The following LDB2 variants were observed in gnomAD, a reference collection of about 807,000 sequenced individuals.
The protein encoded by LDB2 is LIM domain binding 2.
In LDB2, 12 loss-of-function variants were observed where a neutral mutation model predicts 44.3. The ratio of observed to expected loss-of-function variants is 0.27; its 90% CI spans 0.17 to 0.44. The LOEUF (loss-of-function observed/expected upper bound fraction) is 0.44, where lower values mean the gene tolerates loss of function less well. Among genes scored for constraint, LDB2 ranks in the 20% least tolerant of loss-of-function variants. The pLI, the probability that LDB2 is intolerant of heterozygous loss-of-function variation, is 1.00. For missense variants in LDB2, 344 were observed against 473.5 expected (o/e 0.73, Z 2.54); for synonymous variants, 164 against 174.8 (o/e 0.94, Z 0.49).
At chr4:16,883,795 G>A (rs114647549) in intron 1 of LDB2, among the ~76,000 whole-genome samples, 1,976 of 152,266 alleles carry the variant, frequency 0.013, 20 homozygotes, top group Middle Eastern at 0.058. Flanking sequence ...CAAGACTAGA[G>A]GCCCCAGGCC....
chr4:16,697,487 C>G (rs1046975909), intron 2 of LDB2, among the ~76,000 whole-genome samples: 1 of 151,848 alleles, frequency 6.6e-6, no homozygotes, highest in Non-Finnish European at 1.5e-5. Flanking sequence ...TCTCCTAAGG[C>G]TCCCTGTGAA....
chr4:16,757,810 A>C (rs1766990705), intron 2 of LDB2, among the ~76,000 whole-genome samples: 1 of 152,168 alleles, frequency 6.6e-6, no homozygotes, highest in Non-Finnish European at 1.5e-5. Context: ...ACCGGAGAGC[A>C]AGTTAACTCA....
intron 2 of LDB2, among the ~76,000 whole-genome samples, chr4:16,636,335 A>G (rs1733597996): frequency 6.6e-6 from 1 of 152,234 alleles, no homozygotes; most frequent in Non-Finnish European, 1.5e-5. Context: ...TGCTCCAGCC[A>G]CAGCCAGGAT....
At chr4:16,869,478 A>C (rs1443259212) in intron 1 of LDB2, among the ~76,000 whole-genome samples, 3 of 152,188 alleles carry the variant, frequency 2.0e-5, no homozygotes, top group Non-Finnish European at 2.9e-5. Context: ...TTATATGAAC[A>C]CTATGGAACA....
intron 1 of LDB2, among the ~76,000 whole-genome samples, chr4:16,838,359 G>A (rs775130152): frequency 2.6e-5 from 4 of 152,026 alleles, no homozygotes; most frequent in Admixed American, 6.6e-5. Flanking sequence ...CAAATCCCTC[G>A]GCATGTGACT....
At chr4:16,697,417 G>T (rs755770265) in intron 2 of LDB2, among the ~76,000 whole-genome samples, 2 of 150,982 alleles carry the variant, frequency 1.3e-5, no homozygotes, top group Non-Finnish European at 1.5e-5. Flanking sequence ...AGCTGAGATC[G>T]CACCACTGCA....
chr4:16,704,228 G>T (rs915533606), intron 2 of LDB2, among the ~76,000 whole-genome samples: 1 of 152,048 alleles, frequency 6.6e-6, no homozygotes, highest in Non-Finnish European at 1.5e-5. Context: ...CTAAGACCTG[G>T]TCTCCTTTTT....
At chr4:16,504,907 A>AAAAC (rs1012197690) in intron 7 of LDB2, among the ~76,000 whole-genome samples, 1 of 152,242 alleles carries the variant, frequency 6.6e-6, no homozygotes, top group African/African-American at 2.4e-5. Context: ...AAGGGCTTGG[A>AAAAC]AAACACATGC....
chr4:16,867,484 A>G (rs1715095049), intron 1 of LDB2, among the ~76,000 whole-genome samples: 1 of 152,180 alleles, frequency 6.6e-6, no homozygotes, highest in South Asian at 2.1e-4. Context: ...CATACCGGTT[A>G]TAGAACATTA....
Position 16,738,322 on chromosome 4 carries a change from AC to A in LDB2, c.235+20835del, listed in dbSNP as rs1201000134. On this transcript the variant is annotated intron_variant, in intron 2 of 7. Transcript: ENST00000304523. Reference sequence around the variant, plus strand: ...CCAAAAGGGATTGCACAACTTTGTCACCCTGAGACTCAAATAATGAAGAGTA... The same window carrying A: ...CCAAAAGGGATTGCACAACTTTGTCACCTGAGACTCAAATAATGAAGAGTA... 4.6e-5 allele frequency among the ~76,000 whole-genome samples: 7 copies of A among 152,190 alleles called. No individual in the cohort carries two copies. The East Asian group carries it at 1.3e-3, about 29-fold the overall frequency.
intron 5 of LDB2, among the ~76,000 whole-genome samples, chr4:16,567,971 T>C (rs989236680): frequency 1.3e-5 from 2 of 152,154 alleles, no homozygotes; most frequent in East Asian, 1.9e-4. Context: ...TGATTAGGAA[T>C]TGGAAAGTGA....
At chr4:16,641,047 G>GA (rs1296732721) in intron 2 of LDB2, among the ~76,000 whole-genome samples, 5 of 151,994 alleles carry the variant, frequency 3.3e-5, no homozygotes, top group Non-Finnish European at 7.4e-5. Context: ...AAACTATAAG[G>GA]AAAAAAAGAA....
At chr4:16,615,091 A>G (rs1726894122) in intron 2 of LDB2, among the ~76,000 whole-genome samples, 1 of 150,904 alleles carries the variant, frequency 6.6e-6, no homozygotes, top group Non-Finnish European at 1.5e-5. Context: ...AAAAAAAAAA[A>G]AGTCAAGAAA....
At chr4:16,653,041 G>T (rs1056412040) in intron 2 of LDB2, among the ~76,000 whole-genome samples, 8 of 152,110 alleles carry the variant, frequency 5.3e-5, no homozygotes, top group Non-Finnish European at 1.0e-4. Flanking sequence ...GTTTAGGAAC[G>T]CTGCCAGGAG....
chr4:16,554,500 A>G (rs540741444), intron 5 of LDB2, among the ~76,000 whole-genome samples: 6 of 152,208 alleles, frequency 3.9e-5, no homozygotes, highest in African/African-American at 1.4e-4. Context: ...TGTTTTTTAA[A>G]CCATTAGCTC....
chr4:16,613,295 C>G lies in LDB2; in HGVS notation c.236-17420G>C, dbSNP rs144544198. 1.6e-3 allele frequency among the ~76,000 whole-genome samples: 238 copies of G among 152,210 alleles called. 5 individuals carry two copies. The East Asian group carries it at 0.039, about 25-fold the overall frequency. The stretch of plus-strand genomic sequence containing the variant: ...AAGCTGGAAGCATTCCCTTTGAAAA[C>G]CGGTACAAGACAAGGATGCTGTCTC... On this transcript the variant is annotated intron_variant, in intron 2 of 7. Coordinates refer to ENST00000304523, the MANE Select transcript of LDB2 (RefSeq NM_001290.5).
intron 2 of LDB2, among the ~76,000 whole-genome samples, chr4:16,703,110 C>T (rs186389256): frequency 3.5e-4 from 53 of 152,122 alleles, no homozygotes; most frequent in Admixed American, 2.8e-3. Flanking sequence ...AAATAAATGT[C>T]GAACAAGTCA....
chr4:16,530,698 G>A (rs1433434388), intron 5 of LDB2, among the ~76,000 whole-genome samples: 1 of 152,196 alleles, frequency 6.6e-6, no homozygotes, highest in Non-Finnish European at 1.5e-5. Context: ...TTCCCAAAGT[G>A]ACAGTTTCCC....
At chr4:16,628,282 T>C (rs1036370764) in intron 2 of LDB2, among the ~76,000 whole-genome samples, 10 of 152,190 alleles carry the variant, frequency 6.6e-5, no homozygotes, top group African/African-American at 2.4e-4. Flanking sequence ...AGGAAGGCCT[T>C]GAAAAATAGC....
Sources: allele counts gnomAD v4.1 joint callset (sites outside exome capture counted in the v4.1 genomes callset), GRCh38; gene constraint gnomAD v4.1.1; transcripts MANE v1.5; gene names NCBI Gene and HGNC (gene_info 2026-07-23, HGNC 2026-07-21).